CDH4: variants seen among roughly 807,000 people sequenced by gnomAD.
CDH4 encodes cadherin 4.
In CDH4, 33 loss-of-function variants were observed where a neutral mutation model predicts 86.0. The observed-to-expected ratio is 0.38, with a 90% CI of 0.29 to 0.51. The LOEUF is 0.51. Ranked by LOEUF, CDH4 falls within the 20% of genes least tolerant of loss-of-function variation. CDH4 has a pLI of 0.86. For synonymous variants in CDH4, 555 were observed against 549.4 expected (o/e 1.01, Z -0.14); for missense variants, 1,114 against 1,307.4 (o/e 0.85, Z 2.28).
chr20:61,927,243 A>G (rs2055054548), intron 11 of CDH4, among the ~76,000 whole-genome samples: 2 of 152,172 alleles, frequency 1.3e-5, no homozygotes, highest in East Asian at 1.9e-4. Context: ...ACATGCCGCC[A>G]CCACCGCCGC....
rs778178782 is a variant in CDH4, at chr20:61,910,518, G to A, written c.1285G>A (p.Val429Ile). The A allele has an allele frequency of 7.4e-6, 12 of 1,613,968 alleles. No homozygotes were observed. Among genetic ancestry groups the A allele is most frequent in the South Asian group, 2.2e-5 (2 of 91,080 alleles). ...GCCCCACTCTCCAAACTGGAATGCCGTTTACCGCATCATCAGTGGGGATCC... is the reference window on the plus strand; with the variant it reads ...GCCCCACTCTCCAAACTGGAATGCCATTTACCGCATCATCAGTGGGGATCC... Reference protein sequence around the residue: ...DQPHSPNWNAVYRIISGDPSG... With the variant: ...DQPHSPNWNAIYRIISGDPSG... The change falls in exon 9 of 16, where the codon GTT becomes ATT. Residue 429 changes from valine (V) to isoleucine (I), a missense_variant. Around this residue, in one of 3 missense-constraint regions of CDH4, gnomAD observed 705 missense variants for 914.1 expected, o/e 0.77. Transcript: ENST00000614565.
chr20:61,558,832 A>T (rs1454337616), intron 2 of CDH4, among the ~76,000 whole-genome samples: 1 of 152,174 alleles, frequency 6.6e-6, no homozygotes, highest in African/African-American at 2.4e-5. Flanking sequence ...AGAAGGTCTC[A>T]CCTCCGGAGT....
chr20:61,498,765 G>A (rs528024473), intron 2 of CDH4, among the ~76,000 whole-genome samples: 15 of 151,628 alleles, frequency 9.9e-5, no homozygotes, highest in African/African-American at 3.1e-4. Flanking sequence ...AAAGAAAATC[G>A]CAAAAAAAAA....
chr20:61,795,233 T>A (rs992466250), intron 4 of CDH4, among the ~76,000 whole-genome samples: 1 of 90,502 alleles, frequency 1.1e-5, no homozygotes, highest in East Asian at 3.1e-4. Context: ...CATGTGAGTT[T>A]CATACAGATC....
intron 7 of CDH4, among the ~76,000 whole-genome samples, chr20:61,889,444 CATGGATGGATGGATGG>C (rs147429200): frequency 6.9e-6 from 1 of 145,266 alleles, no homozygotes; most frequent in Non-Finnish European, 1.5e-5. Flanking sequence ...ATGGATGATG[CATGGATGGATGGATGG>C]ATGGATGGAT....
At chr20:61,491,429 A>C in intron 2 of CDH4, among the ~76,000 whole-genome samples, 1 of 152,314 alleles carries the variant, frequency 6.6e-6, no homozygotes, top group Non-Finnish European at 1.5e-5. Flanking sequence ...TGGTAACTTC[A>C]CAACTAAGGG....
At chr20:61,858,867 A>G (rs537776310) in intron 6 of CDH4, among the ~76,000 whole-genome samples, 1 of 152,102 alleles carries the variant, frequency 6.6e-6, no homozygotes, top group South Asian at 2.1e-4. Flanking sequence ...TGCTCTGAGC[A>G]CCCATTCCTG....
intron 2 of CDH4, among the ~76,000 whole-genome samples, chr20:61,645,039 C>T (rs2087047944): frequency 6.6e-6 from 1 of 152,232 alleles, no homozygotes; most frequent in Admixed American, 6.5e-5. Flanking sequence ...CTTACAAGGT[C>T]ACTCATCACA....
At chr20:61,768,501 G>T (rs768523995) in intron 3 of CDH4, among the ~76,000 whole-genome samples, 3 of 152,122 alleles carry the variant, frequency 2.0e-5, no homozygotes, top group East Asian at 3.9e-4. Context: ...CATTCACTCC[G>T]AAATACAGAA....
chr20:61,553,495 C>T (rs2086150737), intron 2 of CDH4, among the ~76,000 whole-genome samples: 6 of 152,196 alleles, frequency 3.9e-5, no homozygotes, highest in Admixed American at 1.3e-4. Context: ...CCATTTGGGG[C>T]TATTGCAGAT....
chr20:61,624,073 T>C (rs1041012582), intron 2 of CDH4, among the ~76,000 whole-genome samples: 11 of 152,192 alleles, frequency 7.2e-5, no homozygotes, highest in Non-Finnish European at 1.3e-4. Flanking sequence ...CTGTTCTCTC[T>C]GGAGCTGCAT....
At chr20:61,539,498 T>A (rs2086023401) in intron 2 of CDH4, among the ~76,000 whole-genome samples, 1 of 152,138 alleles carries the variant, frequency 6.6e-6, no homozygotes, top group South Asian at 2.1e-4. Flanking sequence ...TGTCCTCACC[T>A]CCTCCTCTTA....
At chr20:61,384,607 GTC>G (rs918518614) in intron 2 of CDH4, among the ~76,000 whole-genome samples, 7 of 152,026 alleles carry the variant, frequency 4.6e-5, no homozygotes, top group African/African-American at 1.4e-4. Flanking sequence ...TAATCCCTTA[GTC>G]TCTCTCTACC....
intron 2 of CDH4, among the ~76,000 whole-genome samples, chr20:61,604,334 G>C (rs772535931): frequency 1.3e-5 from 2 of 152,104 alleles, no homozygotes; most frequent in Non-Finnish European, 2.9e-5. Flanking sequence ...GCACCTAATG[G>C]GCCTTTTTGG....
At chr20:61,900,971 A>G (rs927431810) in intron 8 of CDH4, among the ~76,000 whole-genome samples, 1 of 152,212 alleles carries the variant, frequency 6.6e-6, no homozygotes, top group East Asian at 1.9e-4. Context: ...TATGATTAAT[A>G]ATGCCGATTG....
At chr20:61,421,245 C>G (rs936170293) in intron 2 of CDH4, among the ~76,000 whole-genome samples, 7 of 152,158 alleles carry the variant, frequency 4.6e-5, no homozygotes, top group African/African-American at 1.7e-4. Context: ...GAGTCCCTCA[C>G]TCAGAGTAGA....
At chr20:61,506,578 G>T (rs904626413) in intron 2 of CDH4, among the ~76,000 whole-genome samples, 1 of 152,190 alleles carries the variant, frequency 6.6e-6, no homozygotes, top group Non-Finnish European at 1.5e-5. Context: ...AGAATTAATT[G>T]TATCAAAGAA....
chr20:61,499,147 G>T (rs767678986), intron 2 of CDH4, among the ~76,000 whole-genome samples: 10 of 152,236 alleles, frequency 6.6e-5, no homozygotes, highest in Non-Finnish European at 1.5e-4. Context: ...TCCCTGCACT[G>T]TGGCTGTGGA....
chr20:61,577,399 A>G (rs753600321), intron 2 of CDH4, among the ~76,000 whole-genome samples: 10 of 152,006 alleles, frequency 6.6e-5, no homozygotes, highest in Non-Finnish European at 1.5e-4. Context: ...ATATTGAAGG[A>G]TGAGTGGATA....
Sources: gnomAD v4.1 joint callset for allele counts (sites outside exome capture counted in the v4.1 genomes callset) on GRCh38, gnomAD v4.1.1 for gene constraint, gnomAD v4.1.1 regional missense constraint, MANE v1.5 for transcripts, NCBI Gene and HGNC (gene_info 2026-07-23, HGNC 2026-07-21) for gene names.